The following CD2AP variants were observed in gnomAD, a reference collection of about 807,000 sequenced individuals.
CD2AP encodes the protein CD2-associated protein.
A neutral mutation model predicts 85.1 loss-of-function variants in CD2AP; 46 were observed. The observed-to-expected ratio is 0.54, with a 90% CI of 0.43 to 0.69. The LOEUF (loss-of-function observed/expected upper bound fraction) is 0.69, where lower values mean the gene tolerates loss of function less well. Ranked by LOEUF, CD2AP falls within the 30% of genes least tolerant of loss-of-function variation. The pLI is 0.00. For synonymous variants in CD2AP, 255 were observed against 252.9 expected, an observed-to-expected ratio of 1.01 and a Z score of -0.08; for missense variants, 769 against 729.5, an observed-to-expected ratio of 1.05 and a Z score of -0.62.
At chr6:47,504,715 C>T (rs546035248) in intron 2 of CD2AP, among the ~76,000 whole-genome samples, 4 of 152,184 alleles carry the variant, frequency 2.6e-5, no homozygotes, top group Non-Finnish European at 4.4e-5. Context: ...TTCCAGACCA[C>T]CACAATAGAG....
chr6:47,558,112 A>T (rs1365101708), intron 5 of CD2AP, among the ~76,000 whole-genome samples: 1 of 151,962 alleles, frequency 6.6e-6, no homozygotes, highest in Non-Finnish European at 1.5e-5. Context: ...TTTGCTCATG[A>T]TTTGGCCCTC....
At chr6:47,564,912 A>G (rs1767952635) in intron 5 of CD2AP, among the ~76,000 whole-genome samples, 1 of 151,984 alleles carries the variant, frequency 6.6e-6, no homozygotes, top group Non-Finnish European at 1.5e-5. Context: ...ATATTTGATT[A>G]TATCATATAG....
intron 11 of CD2AP, among the ~76,000 whole-genome samples, chr6:47,588,681 T>G (rs1768694360): frequency 6.6e-6 from 1 of 152,142 alleles, no homozygotes; most frequent in Non-Finnish European, 1.5e-5. Flanking sequence ...CACTCAGTGA[T>G]TCTGTTATGG....
intron 2 of CD2AP, among the ~76,000 whole-genome samples, chr6:47,531,299 A>G (rs1050786419): frequency 1.1e-4 from 16 of 152,160 alleles, no homozygotes; most frequent in African/African-American, 3.6e-4. Flanking sequence ...GGATTCGAGT[A>G]ACTTAATAAA....
intron 2 of CD2AP, among the ~76,000 whole-genome samples, chr6:47,505,603 G>C (rs1375501647): frequency 2.0e-3 from 224 of 110,540 alleles, no homozygotes; most frequent in Middle Eastern, 0.016. Flanking sequence ...CGGACGGGGC[G>C]GCTGGCCGGG....
In CD2AP at chr6:47,621,255, G is replaced by A. The variant is rs571689217; in HGVS notation, c.1879-2931G>A. Among the ~76,000 whole-genome samples the A allele has an allele frequency of 9.2e-5, 14 of 152,262 alleles. 1 individual carries two copies. The South Asian group carries it at 1.0e-3, about 11-fold the overall frequency. The stretch of plus-strand genomic sequence containing the variant: ...TTTGCTGAGAGTTTTAATCATAAAG[G>A]GATGCTGGATGTTGTCGAATGTTTT... On this transcript the variant is annotated intron_variant, in intron 17 of 17. Coordinates refer to ENST00000359314, the MANE Select transcript of CD2AP (RefSeq NM_012120.3).
chr6:47,530,713 C>T lies in CD2AP; in HGVS notation c.166-2889C>T, dbSNP rs567519122. Among the ~76,000 whole-genome samples, 58 of 152,226 alleles carry T rather than the reference C, an allele frequency of 3.8e-4. No homozygotes were observed. In the South Asian group the frequency reaches 0.011, roughly 30 times the overall value. ...AGTCTCTCTTGTTAACATTTGTATG[C>T]CTAGCTGCTGCCTGGTACTAGCAGG... On this transcript the variant is annotated intron_variant, in intron 2 of 17. Transcript: ENST00000359314.
chr6:47,551,072 T>C (rs1262127167), intron 4 of CD2AP, among the ~76,000 whole-genome samples: 1 of 151,980 alleles, frequency 6.6e-6, no homozygotes, highest in Non-Finnish European at 1.5e-5. Context: ...AGACTACAAA[T>C]TGGGTGCAGT....
At chr6:47,597,249 C>T (rs183347806) in intron 12 of CD2AP, among the ~76,000 whole-genome samples, 24 of 150,936 alleles carry the variant, frequency 1.6e-4, no homozygotes, top group African/African-American at 5.8e-4. Context: ...GAGAAAGCAG[C>T]AGACGAAGAG....
rs957811772 is a variant in CD2AP, at chr6:47,609,070, G to A, written c.1633-53G>A. 2.7e-5 allele frequency: 36 copies of A among 1,328,130 alleles called. No homozygotes were observed. In the East Asian group the frequency reaches 2.8e-4, roughly 10 times the overall value. 82.3% of individuals were successfully genotyped at this position (1,328,130 alleles called of 1,614,324 possible). A position where few individuals can be genotyped will look rare whatever the true frequency, so the allele number is the denominator to read the frequency against. Reference sequence around the variant, plus strand: ...TTTCTTCTTGCTGTTAAAATCTTTCGAACGTAAATATAATATTAAATAAAA... The same window carrying A: ...TTTCTTCTTGCTGTTAAAATCTTTCAAACGTAAATATAATATTAAATAAAA... On this transcript the variant is annotated intron_variant, in intron 15 of 17. Coordinates refer to ENST00000359314, the MANE Select transcript of CD2AP (RefSeq NM_012120.3).
intron 2 of CD2AP, among the ~76,000 whole-genome samples, chr6:47,504,723 G>C (rs1427948146): frequency 6.6e-6 from 1 of 152,082 alleles, no homozygotes; most frequent in Non-Finnish European, 1.5e-5. Flanking sequence ...CACCACAATA[G>C]AGCAAATGTC....
In CD2AP at chr6:47,574,163, T is replaced by C. The variant is rs1318775027; in HGVS notation, c.641T>C (p.Ile214Thr). ...ACACAGCCAAAGAAAATTCGAGGAA[T>C]TGGATTTGGAGACATTTTTAAAGAA... ...SVTQPKKIRG[I>T]GFGDIFKEGS... Residue 214 changes from isoleucine (I) to threonine (T), a missense_variant, in exon 6 of 18, where the codon ATT becomes ACT. Physicochemically the swap from Ile to Thr is moderately conservative, Grantham distance 89. Coordinates refer to ENST00000359314, the MANE Select transcript of CD2AP (RefSeq NM_012120.3). 7 of 1,614,038 alleles carry C rather than the reference T, an allele frequency of 4.3e-6. No homozygotes were observed. The highest frequency in any genetic ancestry group is 1.3e-5 in the African/African-American group (1 of 75,046).
At chr6:47,556,792 T>C (rs1767705545) in intron 5 of CD2AP, among the ~76,000 whole-genome samples, 1 of 152,190 alleles carries the variant, frequency 6.6e-6, no homozygotes, top group South Asian at 2.1e-4. Flanking sequence ...CATATGTGTG[T>C]GTGTGTCTTT....
intron 2 of CD2AP, among the ~76,000 whole-genome samples, chr6:47,504,043 A>T (rs1020302404): frequency 6.6e-6 from 1 of 152,254 alleles, no homozygotes; most frequent in East Asian, 1.9e-4. Context: ...ACTACCAAAC[A>T]TTCCTTTTTT....
chr6:47,576,846 G>A (rs1361828543), intron 7 of CD2AP, among the ~76,000 whole-genome samples, 163 bp from the exon 8 acceptor site: 1 of 152,108 alleles, frequency 6.6e-6, no homozygotes, highest in African/African-American at 2.4e-5. Context: ...TAATGAAATT[G>A]TTACTTAACA....
chr6:47,584,840 C>G (rs1768578063), intron 11 of CD2AP, among the ~76,000 whole-genome samples: 2 of 152,028 alleles, frequency 1.3e-5, no homozygotes, highest in African/African-American at 4.8e-5. Context: ...AAAAACTCAG[C>G]TTACCAAGAT....
chr6:47,587,587 A>G (rs530534489), intron 11 of CD2AP, among the ~76,000 whole-genome samples: 2 of 152,270 alleles, frequency 1.3e-5, no homozygotes, highest in East Asian at 3.9e-4. Context: ...TTGAAGCACA[A>G]GTTATCCTGC....
At chr6:47,505,669 G>T (rs1463035857) in intron 2 of CD2AP, among the ~76,000 whole-genome samples, 2 of 75,554 alleles carry the variant, frequency 2.6e-5, no homozygotes, top group Non-Finnish European at 3.2e-5. Context: ...GGCCGGGTGG[G>T]GGGGCTGACC....
intron 2 of CD2AP, among the ~76,000 whole-genome samples, chr6:47,521,942 G>T (rs536081245): frequency 1.1e-4 from 17 of 152,200 alleles, no homozygotes; most frequent in African/African-American, 4.1e-4. Flanking sequence ...TTGAACCTGG[G>T]AGGCGGAGGT....
Sources: gnomAD v4.1 joint callset for allele counts (sites outside exome capture counted in the v4.1 genomes callset) on GRCh38, gnomAD v4.1.1 for gene constraint, MANE v1.5 for transcripts, NCBI Gene and HGNC (gene_info 2026-07-23, HGNC 2026-07-21) for gene names.